IGLL1: variants seen among roughly 807,000 people sequenced by gnomAD.
The protein encoded by IGLL1 is immunoglobulin lambda-like polypeptide 1.
Under a neutral mutation model 10.5 loss-of-function variants are expected in IGLL1, and 10 were observed. The ratio of observed to expected loss-of-function variants is 0.95; its 90% CI spans 0.59 to 1.62. The LOEUF is 1.62. Among genes scored for constraint, IGLL1 ranks in the 40% most tolerant of loss-of-function variants. The probability of loss-of-function intolerance (pLI) is 0.00; values close to 1 mark genes in which losing one functional copy is unlikely to be tolerated. For synonymous variants in IGLL1, 141 were observed against 122.7 expected, an observed-to-expected ratio of 1.15 and a Z score of -0.99; for missense variants, 284 against 278.7, an observed-to-expected ratio of 1.02 and a Z score of -0.14.
intron 1 of IGLL1, among the ~76,000 whole-genome samples, chr22:23,575,618 CTT>C (rs1326168779): frequency 6.6e-6 from 1 of 152,158 alleles, no homozygotes; most frequent in African/African-American, 2.4e-5. Context: ...ATTCATCTGT[CTT>C]TGCATCCATC....
chr22:23,575,004 C>CGTCA lies in IGLL1; in HGVS notation c.281_284dup (p.His96AspfsTer30). The stretch of plus-strand genomic sequence containing the variant: ...GCTGGGTCCCGCTGCCAAACACATG[C>CGTCA]GTCACTGAGTTATGCTTGGATTGAA... On this transcript the variant is annotated frameshift_variant, in exon 2 of 3. Transcript: ENST00000330377. LOFTEE classifies it low-confidence loss of function (END_TRUNC). 4 of 1,613,958 alleles carry CGTCA rather than the reference C, an allele frequency of 2.5e-6. No homozygotes were observed. The highest frequency in any genetic ancestry group is 3.4e-6 in the Non-Finnish European group (4 of 1,179,874).
Position 23,573,564 on chromosome 22 carries a change from G to A in IGLL1, c.344C>T (p.Ser115Leu), listed in dbSNP as rs539240472. The A allele has an allele frequency of 4.6e-5, 74 of 1,613,862 alleles. No homozygotes were observed. The South Asian group carries it at 5.5e-4, about 12-fold the overall frequency. ...TVLSQPKATP[S>L]VTLFPPSSEE... ...AGAGGACGGCGGGAACAGAGTGACCGAGGGGGTGGCCTTGGGCTGACCTGT... is the reference window on the plus strand; with the variant it reads ...AGAGGACGGCGGGAACAGAGTGACCAAGGGGGTGGCCTTGGGCTGACCTGT... Residue 115 changes from serine to leucine, a missense_variant, in exon 3 of 3, where the codon TCG becomes TTG. Coordinates refer to ENST00000330377, the MANE Select transcript of IGLL1 (RefSeq NM_020070.4).
At position 23,573,342 on chromosome 22, in the gene IGLL1, C is replaced by A; in HGVS notation, c.566G>T (p.Arg189Leu). ...CATGACCTGGCAGCTGTAGCTTCTG[C>A]GGGACCTCCACTGCTCGGGCGTCAG... ...LSLTPEQWRS[R>L]RSYSCQVMHE... is the part of the protein sequence containing the mutation. The change falls in exon 3 of 3, where the codon CGC becomes CTC. Residue 189 changes from arginine (R) to leucine (L), a missense_variant. Transcript: ENST00000330377. 1 of 1,613,996 alleles carries A rather than the reference C, an allele frequency of 6.2e-7. No homozygotes were observed.
In IGLL1 at chr22:23,577,069, T is replaced by C. The variant is rs191618557; in HGVS notation, c.207-1987A>G. 7.9e-5 allele frequency among the ~76,000 whole-genome samples: 12 copies of C among 152,368 alleles called. No individual in the cohort carries two copies. The East Asian group carries it at 1.7e-3, about 22-fold the overall frequency. The stretch of plus-strand genomic sequence containing the variant: ...TTTCATCCATGTTGTAGAAGATTTT[T>C]GAAATTAATTTAAAAATAATTAACA... On this transcript the variant is annotated intron_variant, in intron 1 of 2. Coordinates refer to ENST00000330377, the MANE Select transcript of IGLL1 (RefSeq NM_020070.4).
chr22:23,576,380 A>C (rs1258056459), intron 1 of IGLL1, among the ~76,000 whole-genome samples: 1 of 150,296 alleles, frequency 6.7e-6, no homozygotes, highest in Non-Finnish European at 1.5e-5. Flanking sequence ...AAAAAAAAAA[A>C]AGAAGTGTCA....
At chr22:23,578,290 C>T (rs115806678) in intron 1 of IGLL1, among the ~76,000 whole-genome samples, 3,802 of 152,290 alleles carry the variant, frequency 0.025, 151 homozygotes, top group African/African-American at 0.087. Flanking sequence ...ACCTGTCACC[C>T]GTCCCTTGTG....
At chr22:23,576,687 C>T (rs1426505275) in intron 1 of IGLL1, among the ~76,000 whole-genome samples, 1 of 152,188 alleles carries the variant, frequency 6.6e-6, no homozygotes, top group African/African-American at 2.4e-5. Flanking sequence ...CCACCTTGGC[C>T]TCTCAAAGTG....
intron 1 of IGLL1, among the ~76,000 whole-genome samples, chr22:23,578,552 G>A (rs1216732604): frequency 1.3e-5 from 2 of 152,184 alleles, no homozygotes; most frequent in African/African-American, 4.8e-5. Flanking sequence ...CTCCTGGTGT[G>A]GGTCAGGTCG....
At chr22:23,573,665 C>T (rs1349069588) in intron 2 of IGLL1, 80 bp from the exon 3 acceptor site, 3 of 1,153,820 alleles carry the variant, frequency 2.6e-6, no homozygotes, top group Non-Finnish European at 3.8e-6. Context: ...TCTAAAGTCT[C>T]TGGGAGGGTT....
intron 1 of IGLL1, among the ~76,000 whole-genome samples, chr22:23,579,229 G>C (rs1253418669): frequency 6.6e-6 from 1 of 152,040 alleles, no homozygotes; most frequent in Non-Finnish European, 1.5e-5. Context: ...ATTATCGCCT[G>C]TGGGTATAAC....
rs754431170 is a variant in IGLL1, at chr22:23,573,456, G to A, written c.452C>T (p.Ala151Val). The A allele has an allele frequency of 6.2e-7, 1 of 1,613,816 alleles. No homozygotes were observed. The highest frequency in any genetic ancestry group is 1.7e-5 in the Admixed American group (1 of 60,006). ...GCCCTGGGTGATGGGGGTACCATCT[G>A]CCTTCCAGGTCACCGTCAAGATTCC... ...YPGILTVTWK[A>V]DGTPITQGVE... Residue 151 changes from alanine (A) to valine (V), a missense_variant, in exon 3 of 3, where the codon GCA becomes GTA. Transcript: ENST00000330377.
intron 1 of IGLL1, among the ~76,000 whole-genome samples, chr22:23,579,379 G>T (rs1434731727): frequency 6.6e-6 from 1 of 152,122 alleles, no homozygotes; most frequent in African/African-American, 2.4e-5. Flanking sequence ...CCTCCCTAGA[G>T]CCTCTCCTGG....
chr22:23,573,413 G>A lies in IGLL1; in HGVS notation c.495C>T (p.Pro165=), dbSNP rs374132554. 69 of 1,613,934 alleles carry A rather than the reference G, an allele frequency of 4.3e-5. No individual in the cohort carries two copies. The highest frequency in any genetic ancestry group is 8.0e-5 in the African/African-American group (6 of 74,908). ...CGTACTTGTTGTTGCTCTGTTTGGA[G>A]GGCGTGGTCATCTCCACGCCCTGGG... ...PITQGVEMTT[P]SKQSNNKYAA... is the part of the protein sequence containing the mutation. Residue 165 remains proline (P), a synonymous_variant, in exon 3 of 3, where the codon CCC becomes CCT. Coordinates refer to ENST00000330377, the MANE Select transcript of IGLL1 (RefSeq NM_020070.4).
intron 2 of IGLL1, 133 bp from the exon 3 acceptor site, chr22:23,573,718 C>T: frequency 1.5e-6 from 1 of 680,796 alleles, no homozygotes; most frequent in Admixed American, 2.5e-5. Flanking sequence ...CTCCTTCCCT[C>T]CTCATTCCCT....
chr22:23,578,241 C>A (rs1187325136), intron 1 of IGLL1, among the ~76,000 whole-genome samples: 1 of 152,164 alleles, frequency 6.6e-6, no homozygotes, highest in Non-Finnish European at 1.5e-5. Context: ...TAATAGCCCC[C>A]CAACATAATA....
chr22:23,575,579 CATCT>C (rs1925018436), intron 1 of IGLL1, among the ~76,000 whole-genome samples: 1 of 152,154 alleles, frequency 6.6e-6, no homozygotes. Flanking sequence ...TCCATCTGTC[CATCT>C]GTCCATCTAT....
chr22:23,575,181 T>G, intron 1 of IGLL1, 99 bp from the exon 2 acceptor site: 4 of 840,598 alleles, frequency 4.8e-6, no homozygotes, highest in African/African-American at 1.7e-5. Context: ...CCCAGTAGTG[T>G]CTCTGTGCCT....
chr22:23,574,302 G>A (rs1331445881), intron 2 of IGLL1, among the ~76,000 whole-genome samples: 1 of 152,166 alleles, frequency 6.6e-6, no homozygotes, highest in Non-Finnish European at 1.5e-5. Context: ...ATGAAGGTGG[G>A]AGGTCGACCC....
At chr22:23,574,488 G>C (rs1460998711) in intron 2 of IGLL1, among the ~76,000 whole-genome samples, 1 of 152,084 alleles carries the variant, frequency 6.6e-6, no homozygotes, top group Non-Finnish European at 1.5e-5. Context: ...CAGAGCTGCA[G>C]CCTAGACCCA....
Sources: gnomAD v4.1 joint callset for allele counts (sites outside exome capture counted in the v4.1 genomes callset) on GRCh38, gnomAD v4.1.1 for gene constraint, MANE v1.5 for transcripts, NCBI Gene and HGNC (gene_info 2026-07-23, HGNC 2026-07-21) for gene names.